Variants in POFUT3 observed in about 807,000 individuals in gnomAD.
POFUT3 encodes protein O-fucosyltransferase 3, also known as GDP-fucose protein O-fucosyltransferase 3.
chr8:33,318,258 G>T, the POFUT3 span, among the ~76,000 whole-genome samples: 1 of 151,346 alleles, frequency 6.6e-6, no homozygotes, highest in African/African-American at 2.4e-5. Flanking sequence ...ATAATATACT[G>T]TTTCACTTAA....
the POFUT3 span, among the ~76,000 whole-genome samples, chr8:33,413,044 G>A: frequency 3.3e-3 from 507 of 152,270 alleles, 3 homozygotes; most frequent in African/African-American, 0.011. Flanking sequence ...CTAGGTATAC[G>A]AGACCGTGAT....
chr8:33,369,672 T>G, the POFUT3 span, among the ~76,000 whole-genome samples: 55 of 152,308 alleles, frequency 3.6e-4, 1 homozygote, highest in African/African-American at 1.2e-3. Flanking sequence ...TGTGCTTGAA[T>G]TCATACAGTC....
chr8:33,326,210 C>A, the POFUT3 span, among the ~76,000 whole-genome samples: 1 of 152,154 alleles, frequency 6.6e-6, no homozygotes, highest in East Asian at 1.9e-4. Context: ...GATCCAAATT[C>A]TCTTTGTTCA....
chr8:33,398,554 A>C, the POFUT3 span, among the ~76,000 whole-genome samples: 3 of 152,168 alleles, frequency 2.0e-5, no homozygotes, highest in Non-Finnish European at 2.9e-5. Context: ...CTTTTTGGAA[A>C]TACATGGTCA....
the POFUT3 span, among the ~76,000 whole-genome samples, chr8:33,343,112 G>GA: frequency 6.8e-3 from 782 of 115,052 alleles, 7 homozygotes; most frequent in African/African-American, 0.014. Flanking sequence ...CTCCGTCTAA[G>GA]AAAAAAAAAA....
the POFUT3 span, among the ~76,000 whole-genome samples, chr8:33,339,626 A>T: frequency 1.3e-5 from 2 of 152,214 alleles, no homozygotes; most frequent in Non-Finnish European, 2.9e-5. Context: ...GACATATCAC[A>T]TCATGATTAA....
the POFUT3 span, among the ~76,000 whole-genome samples, chr8:33,455,217 A>C: frequency 7.2e-5 from 11 of 152,038 alleles, no homozygotes; most frequent in Admixed American, 3.9e-4. Context: ...GCTTCCACTT[A>C]CTCCCACTTA....
the POFUT3 span, among the ~76,000 whole-genome samples, chr8:33,381,200 C>T: frequency 1.3e-5 from 2 of 152,296 alleles, no homozygotes; most frequent in East Asian, 3.9e-4. Flanking sequence ...TTACTTCAGG[C>T]AACTCCAGTT....
At chr8:33,331,276 G>A in the POFUT3 span, among the ~76,000 whole-genome samples, 3 of 151,768 alleles carry the variant, frequency 2.0e-5, no homozygotes, top group African/African-American at 4.8e-5. Flanking sequence ...GGAGGTTGTA[G>A]TGAGCTGAGA....
the POFUT3 span, among the ~76,000 whole-genome samples, chr8:33,313,277 C>G: frequency 6.6e-6 from 1 of 152,264 alleles, no homozygotes; most frequent in South Asian, 2.1e-4. Context: ...CAACTACAAA[C>G]AGTACTTGCT....
the POFUT3 span, chr8:33,361,518 T>C: frequency 6.6e-6 from 1 of 152,174 alleles, no homozygotes; most frequent in East Asian, 1.9e-4. Context: ...ATATGAGGCG[T>C]CCACAAAACA....
At chr8:33,309,199 T>TACAC in the POFUT3 span, among the ~76,000 whole-genome samples, 29 of 89,854 alleles carry the variant, frequency 3.2e-4, no homozygotes, top group African/African-American at 1.4e-3. Flanking sequence ...TATATATATA[T>TACAC]ACACACACAT....
At chr8:33,324,948 G>A in the POFUT3 span, among the ~76,000 whole-genome samples, 68 of 152,212 alleles carry the variant, frequency 4.5e-4, no homozygotes, top group South Asian at 5.4e-3. Context: ...ATCCTGCTAC[G>A]TGATCACCCC....
chr8:33,396,053 T>C, the POFUT3 span, among the ~76,000 whole-genome samples: 1 of 151,734 alleles, frequency 6.6e-6, no homozygotes, highest in Non-Finnish European at 1.5e-5. Context: ...CATCAAGGAG[T>C]AGTGGCAGTG....
At chr8:33,415,785 A>G in the POFUT3 span, among the ~76,000 whole-genome samples, 1 of 152,200 alleles carries the variant, frequency 6.6e-6, no homozygotes, top group South Asian at 2.1e-4. Flanking sequence ...CCCTTCAGAA[A>G]CTGAGCAGCC....
chr8:33,379,506 T>C, the POFUT3 span, among the ~76,000 whole-genome samples: 2 of 152,028 alleles, frequency 1.3e-5, no homozygotes, highest in African/African-American at 4.8e-5. Flanking sequence ...GTTGGAACTA[T>C]CAGGCAGGAA....
chr8:33,436,950 T>G, the POFUT3 span, among the ~76,000 whole-genome samples: 1 of 152,160 alleles, frequency 6.6e-6, no homozygotes, highest in Admixed American at 6.6e-5. Context: ...TGTCTAATGT[T>G]GCCATCTTTA....
chr8:33,436,394 G>A, the POFUT3 span: 21 of 1,414,650 alleles, frequency 1.5e-5, no homozygotes, highest in Admixed American at 3.4e-4. Context: ...CGACCGTCTG[G>A]ACCATACTCC....
At chr8:33,316,472 G>A in the POFUT3 span, among the ~76,000 whole-genome samples, 1 of 151,916 alleles carries the variant, frequency 6.6e-6, no homozygotes, top group East Asian at 1.9e-4. Flanking sequence ...TGTAATCCCA[G>A]CACTTTGGGA....
Sources: gnomAD v4.1 joint callset for allele counts (sites outside exome capture counted in the v4.1 genomes callset) on GRCh38, gnomAD v4.1.1 for gene constraint, MANE v1.5 for transcripts, NCBI Gene and HGNC (gene_info 2026-07-23, HGNC 2026-07-21) for gene names.